The following ERC1 variants were observed in gnomAD, a reference collection of about 807,000 sequenced individuals.
ERC1 encodes RAB6 interacting protein 2.
In ERC1, 56 loss-of-function variants were observed where a neutral mutation model predicts 132.0. That is an observed-to-expected ratio of 0.42 (90% confidence interval 0.34 to 0.53). The LOEUF (loss-of-function observed/expected upper bound fraction) is 0.53, where lower values mean the gene tolerates loss of function less well. Among genes scored for constraint, ERC1 ranks in the 20% least tolerant of loss-of-function variants. ERC1 has a pLI of 0.03. For synonymous variants in ERC1, 478 were observed against 476.1 expected (o/e 1.00, Z -0.05); for missense variants, 1,202 against 1,349.9 (o/e 0.89, Z 1.72).
intron 8 of ERC1, among the ~76,000 whole-genome samples, chr12:1,159,239 C>T (rs988465188): frequency 6.6e-6 from 1 of 152,158 alleles, no homozygotes; most frequent in Non-Finnish European, 1.5e-5. Flanking sequence ...TACAATTTTT[C>T]CACAGGCCAT....
At chr12:1,292,587 C>CA (rs2154341013) in intron 15 of ERC1, among the ~76,000 whole-genome samples, 1 of 151,718 alleles carries the variant, frequency 6.6e-6, no homozygotes, top group South Asian at 2.1e-4. Flanking sequence ...GCTTTCTGGC[C>CA]AAAAAAAGGT....
At chr12:1,220,483 CA>C (rs765990497) in intron 12 of ERC1, among the ~76,000 whole-genome samples, 99 of 152,296 alleles carry the variant, frequency 6.5e-4, no homozygotes, top group Non-Finnish European at 8.2e-4. Flanking sequence ...GGCTTTACAT[CA>C]GTTGAGAGAA....
chr12:1,060,444 G>T (rs553322601), intron 2 of ERC1, among the ~76,000 whole-genome samples: 1 of 150,810 alleles, frequency 6.6e-6, no homozygotes, highest in African/African-American at 2.4e-5. Flanking sequence ...TTTTGTCCTT[G>T]TGATAGTTTA....
At chr12:1,023,105 G>T (rs934503520) in intron 1 of ERC1, among the ~76,000 whole-genome samples, 8 of 152,168 alleles carry the variant, frequency 5.3e-5, no homozygotes, top group South Asian at 2.1e-4. Context: ...CTTATGGGTA[G>T]TTCTACATAG....
chr12:1,331,815 T>C (rs1301910851), intron 15 of ERC1, among the ~76,000 whole-genome samples: 2 of 152,204 alleles, frequency 1.3e-5, no homozygotes, highest in Non-Finnish European at 1.5e-5. Context: ...GTTCCATTTA[T>C]GCACCACACA....
At chr12:1,489,918 C>T (rs990167350) in intron 18 of ERC1, among the ~76,000 whole-genome samples, 175 bp from the exon 19 acceptor site, 19 of 152,174 alleles carry the variant, frequency 1.2e-4, no homozygotes, top group African/African-American at 4.6e-4. Flanking sequence ...CTTTTTGGGC[C>T]TCACTTTCAT....
At chr12:1,038,244 T>G (rs1264589386) in intron 2 of ERC1, among the ~76,000 whole-genome samples, 1 of 152,102 alleles carries the variant, frequency 6.6e-6, no homozygotes, top group African/African-American at 2.4e-5. Flanking sequence ...GGAGAAACAT[T>G]TAGGGAGTTT....
At chr12:1,402,266 C>T (rs958520463) in intron 16 of ERC1, among the ~76,000 whole-genome samples, 1 of 152,158 alleles carries the variant, frequency 6.6e-6, no homozygotes, top group Admixed American at 6.5e-5. Context: ...CACGGTGGCT[C>T]ACGCCGTAAT....
intron 18 of ERC1, among the ~76,000 whole-genome samples, chr12:1,487,041 T>G (rs1392845693): frequency 1.3e-5 from 2 of 152,196 alleles, no homozygotes; most frequent in Non-Finnish European, 2.9e-5. Context: ...CTGCTGAGAC[T>G]TTAGGGTCTG....
At chr12:1,452,182 G>A (rs2093438735) in intron 18 of ERC1, among the ~76,000 whole-genome samples, 1 of 150,728 alleles carries the variant, frequency 6.6e-6, no homozygotes, top group Non-Finnish European at 1.5e-5. Context: ...AGATTTCTTG[G>A]TTGACAGGGA....
At chr12:1,408,531 GTAATTTTTAACTGTCTTTAC>G (rs1183306129) in intron 17 of ERC1, among the ~76,000 whole-genome samples, 2 of 152,112 alleles carry the variant, frequency 1.3e-5, no homozygotes, top group East Asian at 1.9e-4. Flanking sequence ...CTAATAATAT[GTAATTTTTAACTGTCTTTAC>G]TAATTTTTAA....
At chr12:1,131,562 C>T (rs572934116) in intron 7 of ERC1, among the ~76,000 whole-genome samples, 52 of 152,122 alleles carry the variant, frequency 3.4e-4, no homozygotes, top group African/African-American at 9.2e-4. Flanking sequence ...CCCGGGTTCG[C>T]ACCATTCTCC....
intron 14 of ERC1, among the ~76,000 whole-genome samples, chr12:1,270,011 G>A (rs1375379126): frequency 6.6e-6 from 1 of 152,190 alleles, no homozygotes; most frequent in Non-Finnish European, 1.5e-5. Flanking sequence ...TAAGTTGCCA[G>A]TTGGTAGATT....
At chr12:1,094,909 G>C (rs1003144254) in intron 3 of ERC1, among the ~76,000 whole-genome samples, 4 of 152,066 alleles carry the variant, frequency 2.6e-5, no homozygotes, top group African/African-American at 9.7e-5. Context: ...TGTCTCCGCT[G>C]TGTTGTCAGT....
intron 15 of ERC1, among the ~76,000 whole-genome samples, chr12:1,320,122 T>G (rs2082014025): frequency 6.6e-6 from 1 of 152,242 alleles, no homozygotes; most frequent in Non-Finnish European, 1.5e-5. Flanking sequence ...GGTTGAAGAT[T>G]GTTTAGGTTA....
chr12:1,236,674 C>A, intron 12 of ERC1, 95 bp from the exon 13 acceptor site: 1 of 1,257,786 alleles, frequency 8.0e-7, no homozygotes. Context: ...TGGTTTTCAG[C>A]CATTCCTTAT....
At chr12:1,345,573 C>T (rs967590408) in intron 15 of ERC1, among the ~76,000 whole-genome samples, 2 of 152,142 alleles carry the variant, frequency 1.3e-5, no homozygotes, top group African/African-American at 4.8e-5. Context: ...TTTACAACAG[C>T]ATCTTTTATT....
chr12:1,405,907 T>C (rs548476852), intron 16 of ERC1, among the ~76,000 whole-genome samples: 2 of 152,168 alleles, frequency 1.3e-5, no homozygotes, highest in Admixed American at 1.3e-4. Flanking sequence ...AAAAAATACA[T>C]AAACTTTCTA....
Position 1,349,966 on chromosome 12 carries a change from G to C in ERC1, c.2781-21867G>C, listed in dbSNP as rs537448778. Among the ~76,000 whole-genome samples, 4 of 152,304 alleles carry C rather than the reference G, an allele frequency of 2.6e-5. No individual in the cohort carries two copies. The South Asian group carries it at 8.3e-4, about 32-fold the overall frequency. The stretch of plus-strand genomic sequence containing the variant: ...GAATGCTCTGACAACTTTGTCTCCA[G>C]GTCCACTCTACTGTTCCTTATTGAG... On this transcript the variant is annotated intron_variant, in intron 15 of 18. Coordinates refer to ENST00000360905, the MANE Select transcript of ERC1 (RefSeq NM_178040.4).
Sources: allele counts gnomAD v4.1 joint callset (sites outside exome capture counted in the v4.1 genomes callset), GRCh38; gene constraint gnomAD v4.1.1; transcripts MANE v1.5; gene names NCBI Gene and HGNC (gene_info 2026-07-23, HGNC 2026-07-21).